The following DNAH11 variants were observed in gnomAD, a reference collection of about 807,000 sequenced individuals.
The protein encoded by DNAH11 is axonemal beta dynein heavy chain 11.
DNAH11 carries 442 observed loss-of-function variants against 526.0 expected under a neutral mutation model. The observed-to-expected ratio is 0.84, with a 90% confidence interval of 0.78 to 0.91. The LOEUF (loss-of-function observed/expected upper bound fraction) is 0.91, where lower values mean the gene tolerates loss of function less well. Among genes scored for constraint, DNAH11 ranks in the 40% least tolerant of loss-of-function variants. The pLI is 0.00. For missense variants in DNAH11, 6,989 were observed against 5,448.7 expected, an observed-to-expected ratio of 1.28 and a Z score of -8.90; for synonymous variants, 2,461 against 1,935.9, an observed-to-expected ratio of 1.27 and a Z score of -7.12.
chr7:21,783,233 C>T (rs183485532), intron 57 of DNAH11, among the ~76,000 whole-genome samples: 44 of 152,102 alleles, frequency 2.9e-4, no homozygotes, highest in Admixed American at 5.9e-4. Flanking sequence ...CAGGGTTCTC[C>T]GATTTACATT....
chr7:21,569,850 C>G (rs988955434), intron 6 of DNAH11, among the ~76,000 whole-genome samples: 3 of 152,118 alleles, frequency 2.0e-5, no homozygotes, highest in African/African-American at 4.8e-5. Flanking sequence ...TGTAAAAATC[C>G]AGAAATAGTA....
chr7:21,548,971 TC>T (rs1014496530), intron 2 of DNAH11, among the ~76,000 whole-genome samples: 1 of 151,762 alleles, frequency 6.6e-6, no homozygotes, highest in Non-Finnish European at 1.5e-5. Flanking sequence ...AACCTCTGCC[TC>T]CCCAGTTCAA....
At chr7:21,889,386 T>A (rs1784249365) in intron 76 of DNAH11, among the ~76,000 whole-genome samples, 1 of 152,234 alleles carries the variant, frequency 6.6e-6, no homozygotes, top group South Asian at 2.1e-4. Context: ...GGACATATGT[T>A]TTCAATTCTT....
intron 30 of DNAH11, among the ~76,000 whole-genome samples, chr7:21,660,750 T>C (rs1257527507): frequency 6.6e-6 from 1 of 152,048 alleles, no homozygotes; most frequent in African/African-American, 2.4e-5. Flanking sequence ...TCTGTAGCTA[T>C]TTATATATAA....
rs1221620004 is a variant in DNAH11 at position 21,599,995 on chromosome 7, C to T, written c.2876C>T (p.Pro959Leu). The T allele has an allele frequency of 1.2e-6, 2 of 1,613,504 alleles. No homozygotes were observed. The highest frequency in any genetic ancestry group is 8.5e-7 in the Non-Finnish European group (1 of 1,179,696). ...ILLPPEIVFK[P>L]SLDREAGDGF... ...TTGCCTCCTGAGATTGTGTTTAAAC[C>T]TTCCCTAGACAGAGAGGCTGGGGAT... is the stretch of plus-strand genomic sequence containing the variant. Residue 959 changes from proline (P) to leucine (L), a missense_variant, in exon 15 of 82, where the codon CCT becomes CTT. Transcript: ENST00000409508.
At chr7:21,849,085 A>G (rs968668644) in intron 66 of DNAH11, among the ~76,000 whole-genome samples, 2 of 152,096 alleles carry the variant, frequency 1.3e-5, no homozygotes, top group African/African-American at 4.8e-5. Flanking sequence ...GGATTTCGCC[A>G]TGTTGGTCAG....
At chr7:21,544,937 G>C in intron 1 of DNAH11, 69 bp from the exon 2 acceptor site, 1 of 1,340,950 alleles carries the variant, frequency 7.5e-7, no homozygotes, top group Non-Finnish European at 1.0e-6. Context: ...ACAGCTACAA[G>C]TTGGATATAG....
At chr7:21,748,858 A>C in intron 52 of DNAH11, 116 bp downstream of exon 52, 1 of 1,070,884 alleles carries the variant, frequency 9.3e-7, no homozygotes, top group Non-Finnish European at 1.3e-6. Context: ...CTCCCCAACC[A>C]CGGGAGAGCG....
chr7:21,741,635 C>T (rs1379493827), intron 48 of DNAH11, among the ~76,000 whole-genome samples: 3 of 152,146 alleles, frequency 2.0e-5, no homozygotes, highest in African/African-American at 7.2e-5. Flanking sequence ...GACAACATGA[C>T]CCTGCTTTAT....
intron 30 of DNAH11, among the ~76,000 whole-genome samples, chr7:21,664,958 A>T (rs901545504): frequency 6.6e-6 from 1 of 152,092 alleles, no homozygotes; most frequent in Non-Finnish European, 1.5e-5. Flanking sequence ...TCAGCTCCAG[A>T]TGTTTGGCTC....
At chr7:21,674,462 A>G (rs1228163982) in intron 30 of DNAH11, among the ~76,000 whole-genome samples, 2 of 151,270 alleles carry the variant, frequency 1.3e-5, no homozygotes, top group Admixed American at 6.6e-5. Context: ...CCAGCTTCAA[A>G]CAATTCCCAT....
chr7:21,733,231 A>T (rs1785458103), intron 45 of DNAH11, among the ~76,000 whole-genome samples: 1 of 152,210 alleles, frequency 6.6e-6, no homozygotes, highest in East Asian at 1.9e-4. Context: ...TACTAAAAAT[A>T]CAAAAAATTA....
At chr7:21,886,069 T>C (rs1784112291) in intron 76 of DNAH11, among the ~76,000 whole-genome samples, 1 of 152,196 alleles carries the variant, frequency 6.6e-6, no homozygotes, top group African/African-American at 2.4e-5. Flanking sequence ...GTACACCATA[T>C]CATGTCTATT....
At chr7:21,665,733 A>G (rs1162683842) in intron 30 of DNAH11, among the ~76,000 whole-genome samples, 1 of 152,122 alleles carries the variant, frequency 6.6e-6, no homozygotes, top group Non-Finnish European at 1.5e-5. Context: ...TGAAGAAAGC[A>G]TTTATCCACA....
Position 21,862,571 on chromosome 7 carries a change from C to T in DNAH11, c.11373+548C>T, listed in dbSNP as rs76715543. On this transcript the variant is annotated intron_variant, in intron 69 of 81. Coordinates refer to ENST00000409508, the MANE Select transcript of DNAH11 (RefSeq NM_001277115.2). ...GTGAGGAGATGGATATATGAATTAG[C>T]TTAATTTAACCATTCTACAATATAA... 5.4e-4 allele frequency among the ~76,000 whole-genome samples: 82 copies of T among 152,286 alleles called. No homozygotes were observed. In the East Asian group the frequency reaches 0.014, roughly 26 times the overall value.
intron 25 of DNAH11, among the ~76,000 whole-genome samples, chr7:21,625,715 C>T (rs546464643): frequency 1.3e-5 from 2 of 151,990 alleles, no homozygotes; most frequent in South Asian, 2.1e-4. Context: ...TCATTTGTCT[C>T]AATATATTTT....
chr7:21,763,048 A>G (rs998646560), intron 54 of DNAH11, among the ~76,000 whole-genome samples: 4 of 152,180 alleles, frequency 2.6e-5, no homozygotes, highest in Non-Finnish European at 5.9e-5. Flanking sequence ...CATTTCTGTA[A>G]AGAAGACATA....
chr7:21,673,985 T>C (rs11977076), intron 30 of DNAH11, among the ~76,000 whole-genome samples: 4,372 of 151,928 alleles, frequency 0.029, 195 homozygotes, highest in African/African-American at 0.099. Context: ...TTCCTCCTGC[T>C]CCTTAAATAT....
At chr7:21,723,297 G>A (rs1282836782) in intron 44 of DNAH11, among the ~76,000 whole-genome samples, 1 of 152,136 alleles carries the variant, frequency 6.6e-6, no homozygotes, top group East Asian at 1.9e-4. Flanking sequence ...TACAAATAAG[G>A]AACTGAAGCT....
Sources: gnomAD v4.1 joint callset for allele counts (sites outside exome capture counted in the v4.1 genomes callset) on GRCh38, gnomAD v4.1.1 for gene constraint, MANE v1.5 for transcripts, NCBI Gene and HGNC (gene_info 2026-07-23, HGNC 2026-07-21) for gene names.